The following RAD51B variants were observed in gnomAD, a reference collection of about 807,000 sequenced individuals.
The protein encoded by RAD51B is DNA repair protein RAD51 homolog 2.
A neutral mutation model predicts 42.2 loss-of-function variants in RAD51B; 38 were observed. The observed-to-expected ratio is 0.90, with a 90% CI of 0.70 to 1.18. The LOEUF (loss-of-function observed/expected upper bound fraction) is 1.18. Ranked by LOEUF, RAD51B falls within the 50% of genes most tolerant of loss-of-function variation. The pLI is 0.00. For synonymous variants in RAD51B, 154 were observed against 145.2 expected (o/e 1.06, Z -0.43); for missense variants, 373 against 400.7 (o/e 0.93, Z 0.59).
chr14:67,879,648 TA>T (rs1255413236), intron 5 of RAD51B, among the ~76,000 whole-genome samples: 1 of 152,016 alleles, frequency 6.6e-6, no homozygotes, highest in African/African-American at 2.4e-5. Context: ...CATTTTTGAC[TA>T]AAAAAAGTGA....
chr14:67,873,111 C>G (rs1481267736), intron 5 of RAD51B, among the ~76,000 whole-genome samples: 4 of 152,152 alleles, frequency 2.6e-5, no homozygotes, highest in Non-Finnish European at 5.9e-5. Context: ...AACTAAAGAG[C>G]TTCTGCACAG....
chr14:68,388,076 G>GTATATATATA (rs35161283), intron 8 of RAD51B, among the ~76,000 whole-genome samples: 8 of 96,640 alleles, frequency 8.3e-5, no homozygotes, highest in East Asian at 5.8e-4. Context: ...GTGTGTGTGT[G>GTATATATATA]TGTATATATA....
chr14:68,044,334 A>G (rs2076264896), intron 7 of RAD51B, among the ~76,000 whole-genome samples: 1 of 152,178 alleles, frequency 6.6e-6, no homozygotes, highest in South Asian at 2.1e-4. Flanking sequence ...AGACTCTTTT[A>G]TTTGCTTCAA....
intron 9 of RAD51B, among the ~76,000 whole-genome samples, chr14:68,422,990 T>G (rs1244896894): frequency 6.6e-6 from 1 of 152,178 alleles, no homozygotes; most frequent in Non-Finnish European, 1.5e-5. Flanking sequence ...GAAGTTTCTC[T>G]TCTTACCTTG....
chr14:68,409,491 C>T (rs745903441), intron 8 of RAD51B, among the ~76,000 whole-genome samples: 1 of 152,040 alleles, frequency 6.6e-6, no homozygotes, highest in Non-Finnish European at 1.5e-5. Context: ...TAAGGTCCAC[C>T]CACAACTAAG....
chr14:67,998,012 T>C (rs78906807), intron 7 of RAD51B, among the ~76,000 whole-genome samples: 2,868 of 152,316 alleles, frequency 0.019, 53 homozygotes, highest in Middle Eastern at 0.068. Context: ...TACAACCCTT[T>C]TGACACTTGT....
chr14:68,014,591 A>G (rs2075743741), intron 7 of RAD51B, among the ~76,000 whole-genome samples: 1 of 152,014 alleles, frequency 6.6e-6, no homozygotes, highest in African/African-American at 2.4e-5. Context: ...AATTTTGGGT[A>G]TTCTTTAAAA....
intron 7 of RAD51B, among the ~76,000 whole-genome samples, chr14:67,952,865 T>TTTTAG (rs747212940): frequency 3.9e-5 from 6 of 152,052 alleles, no homozygotes; most frequent in Admixed American, 1.3e-4. Flanking sequence ...GAAAAAAGTT[T>TTTTAG]TTTAGTTTAG....
At chr14:68,681,601 A>C (rs1465208189) in intron 11 of RAD51B, among the ~76,000 whole-genome samples, 1 of 152,176 alleles carries the variant, frequency 6.6e-6, no homozygotes, top group Non-Finnish European at 1.5e-5. Context: ...TAGGGAAGGA[A>C]TGTGATCAAA....
chr14:68,057,666 A>G (rs1437361573), intron 7 of RAD51B, among the ~76,000 whole-genome samples: 1 of 152,094 alleles, frequency 6.6e-6, no homozygotes, highest in Non-Finnish European at 1.5e-5. Flanking sequence ...TTTGTCATTT[A>G]CTAGAAAAAT....
At position 68,189,150 on chromosome 14, in the gene RAD51B, AT is replaced by A. The variant is rs1170678048; in HGVS notation, c.757-102733del. Among the ~76,000 whole-genome samples, 4 of 152,156 alleles carry A rather than the reference AT, an allele frequency of 2.6e-5. No individual in the cohort carries two copies. In the East Asian group the frequency reaches 7.7e-4, roughly 29 times the overall value. ...ATTAATATTATATATTTGTTACTAT[AT>A]AATTTACATATCGTAAAGTACACAA... On this transcript the variant is annotated intron_variant, in intron 7 of 10. Coordinates refer to ENST00000471583, the MANE Select transcript of RAD51B (RefSeq NM_133510.4).
At chr14:68,153,999 C>T (rs2078446788) in intron 7 of RAD51B, among the ~76,000 whole-genome samples, 1 of 152,148 alleles carries the variant, frequency 6.6e-6, no homozygotes, top group African/African-American at 2.4e-5. Context: ...TTTTAATCGT[C>T]TTCTTATTTT....
intron 8 of RAD51B, among the ~76,000 whole-genome samples, chr14:68,356,779 A>C (rs957487454): frequency 1.3e-4 from 19 of 151,844 alleles, no homozygotes; most frequent in Non-Finnish European, 1.9e-4. Flanking sequence ...CAGGAGATCG[A>C]GACCATCCCG....
intron 7 of RAD51B, among the ~76,000 whole-genome samples, chr14:68,226,357 G>A (rs868834976): frequency 4.6e-5 from 7 of 152,302 alleles, no homozygotes; most frequent in African/African-American, 1.4e-4. Flanking sequence ...ACTTCTTCAC[G>A]TATTATCTTC....
intron 7 of RAD51B, among the ~76,000 whole-genome samples, chr14:68,039,403 G>C (rs903284824): frequency 6.1e-5 from 9 of 148,252 alleles, no homozygotes; most frequent in Non-Finnish European, 1.0e-4. Context: ...ACTCCAGCCT[G>C]GTGACAGAGC....
At chr14:68,626,031 A>T (rs1272598910) in intron 10 of RAD51B, among the ~76,000 whole-genome samples, 1 of 152,220 alleles carries the variant, frequency 6.6e-6, no homozygotes, top group Non-Finnish European at 1.5e-5. Flanking sequence ...AGCCATATAA[A>T]CACCTCAAGA....
intron 9 of RAD51B, among the ~76,000 whole-genome samples, chr14:68,440,921 G>A (rs1390628334): frequency 2.0e-5 from 3 of 152,138 alleles, no homozygotes; most frequent in African/African-American, 7.2e-5. Context: ...TTTGGGATGT[G>A]TCTTGCAAGT....
At chr14:68,453,840 T>G (rs1216816341) in intron 9 of RAD51B, among the ~76,000 whole-genome samples, 1 of 152,200 alleles carries the variant, frequency 6.6e-6, no homozygotes, top group Non-Finnish European at 1.5e-5. Flanking sequence ...AAAAAAATAT[T>G]TTATGTTTTA....
intron 7 of RAD51B, among the ~76,000 whole-genome samples, chr14:68,069,984 G>C (rs925557221): frequency 2.0e-5 from 3 of 152,120 alleles, no homozygotes; most frequent in African/African-American, 7.2e-5. Flanking sequence ...CAATCTGACT[G>C]ATGTGAAATG....
Sources: allele counts gnomAD v4.1 joint callset (sites outside exome capture counted in the v4.1 genomes callset), GRCh38; gene constraint gnomAD v4.1.1; transcripts MANE v1.5; gene names NCBI Gene and HGNC (gene_info 2026-07-23, HGNC 2026-07-21).